The following NCALD variants were observed in gnomAD, a reference collection of about 807,000 sequenced individuals.
The protein encoded by NCALD is neurocalcin-delta.
In NCALD, 10 loss-of-function variants were observed where a neutral mutation model predicts 18.6. The ratio of observed to expected loss-of-function variants is 0.54; its 90% CI spans 0.33 to 0.91. NCALD has a LOEUF of 0.91. Ranked by LOEUF, NCALD falls within the 40% of genes least tolerant of loss-of-function variation. The pLI, the probability that NCALD is intolerant of heterozygous loss-of-function variation, is 0.03. For missense variants in NCALD, 184 were observed against 247.6 expected (o/e 0.74, Z 1.72); for synonymous variants, 88 against 87.4 (o/e 1.01, Z -0.04).
At chr8:102,014,416 C>A (rs1222904551) in intron 2 of NCALD, among the ~76,000 whole-genome samples, 5 of 152,054 alleles carry the variant, frequency 3.3e-5, no homozygotes, top group Non-Finnish European at 1.5e-5. Flanking sequence ...CTCTTAAAAC[C>A]ATCTCTTTGG....
chr8:101,690,107 T>A (rs545822971), intron 3 of NCALD, among the ~76,000 whole-genome samples: 61 of 146,638 alleles, frequency 4.2e-4, no homozygotes, highest in Non-Finnish European at 7.7e-4. Context: ...CAGCCTGGGC[T>A]CCCACTCCGA....
intron 4 of NCALD, among the ~76,000 whole-genome samples, chr8:101,847,866 C>T (rs982844647): frequency 1.3e-5 from 2 of 151,978 alleles, no homozygotes; most frequent in African/African-American, 2.4e-5. Context: ...AGGTATGAGG[C>T]TGAACTTAGG....
intron 2 of NCALD, among the ~76,000 whole-genome samples, chr8:102,003,080 T>G (rs1279079028): frequency 6.6e-6 from 1 of 151,770 alleles, no homozygotes; most frequent in Non-Finnish European, 1.5e-5. Context: ...AAAAAATCAA[T>G]GAATCCAGGA....
chr8:101,815,987 A>T (rs1813480280), intron 4 of NCALD, among the ~76,000 whole-genome samples: 1 of 152,176 alleles, frequency 6.6e-6, no homozygotes, highest in Non-Finnish European at 1.5e-5. Context: ...AAAACCACGA[A>T]AAGACAGGGA....
chr8:102,090,831 G>C (rs1824901115), intron 1 of NCALD, among the ~76,000 whole-genome samples: 1 of 152,164 alleles, frequency 6.6e-6, no homozygotes, highest in Non-Finnish European at 1.5e-5. Context: ...TCTTTTGTAA[G>C]AGGACACAAT....
chr8:101,898,861 G>A (rs112866507), intron 3 of NCALD, among the ~76,000 whole-genome samples: 1 of 151,960 alleles, frequency 6.6e-6, no homozygotes, highest in East Asian at 1.9e-4. Context: ...AGACATTCTA[G>A]TTGCCTTACT....
chr8:101,775,160 G>T (rs1811741170), intron 1 of NCALD, among the ~76,000 whole-genome samples: 1 of 152,124 alleles, frequency 6.6e-6, no homozygotes. Context: ...GATGCTATAT[G>T]GTTCATCACA....
chr8:101,712,587 C>CAAAAAGAAAAAAAA (rs1815852313), intron 2 of NCALD, among the ~76,000 whole-genome samples: 1 of 78,908 alleles, frequency 1.3e-5, no homozygotes, highest in African/African-American at 5.2e-5. Flanking sequence ...AAATGGAAAG[C>CAAAAAGAAAAAAAA]AAAAAAAAAA....
intron 1 of NCALD, among the ~76,000 whole-genome samples, chr8:102,063,199 C>T (rs79539630): frequency 0.015 from 2,353 of 152,238 alleles, 61 homozygotes; most frequent in African/African-American, 0.053. Flanking sequence ...AATTTGAATA[C>T]GGTGCCGACT....
At chr8:101,962,657 A>C (rs1286719977) in intron 2 of NCALD, among the ~76,000 whole-genome samples, 2 of 152,220 alleles carry the variant, frequency 1.3e-5, no homozygotes, top group Non-Finnish European at 2.9e-5. Context: ...CAGAATCTGC[A>C]TTTATAGGAT....
At chr8:101,765,421 C>T (rs1487431278) in intron 1 of NCALD, among the ~76,000 whole-genome samples, 3 of 152,082 alleles carry the variant, frequency 2.0e-5, no homozygotes, top group East Asian at 1.9e-4. Context: ...CTGGGGTCTC[C>T]GGCTATTGTC....
At chr8:101,968,733 T>TAA (rs200846417) in intron 2 of NCALD, among the ~76,000 whole-genome samples, 1 of 149,208 alleles carries the variant, frequency 6.7e-6, no homozygotes, top group East Asian at 1.9e-4. Context: ...CACTCTCCTG[T>TAA]AAAAAAAAAA....
At chr8:101,973,074 TG>T (rs1820299354) in intron 2 of NCALD, among the ~76,000 whole-genome samples, 1 of 152,056 alleles carries the variant, frequency 6.6e-6, no homozygotes, top group Non-Finnish European at 1.5e-5. Context: ...GTGATATGGA[TG>T]GGGCAGGAGG....
chr8:101,768,633 C>T (rs546657092), intron 1 of NCALD, among the ~76,000 whole-genome samples: 33 of 150,754 alleles, frequency 2.2e-4, no homozygotes, highest in Admixed American at 7.3e-4. Flanking sequence ...TGCTTGAACC[C>T]GGGAGGCGGA....
exon 3 of NCALD, chr8:101,915,845 A>G (rs1205478800): frequency 6.6e-6 from 1 of 152,212 alleles, no homozygotes; most frequent in Admixed American, 6.5e-5. Flanking sequence ...CCAGGAGACC[A>G]AAGTTGAGAT....
chr8:101,832,778 G>C (rs557283823), intron 4 of NCALD, among the ~76,000 whole-genome samples: 2 of 152,292 alleles, frequency 1.3e-5, no homozygotes, highest in East Asian at 3.9e-4. Flanking sequence ...GCTTTCTTGT[G>C]GAGTGGACGA....
In NCALD at chr8:101,962,287, C is replaced by T. The variant is rs534793170; in HGVS notation, c.-156-46429G>A. ...AGTCTGCCAAACTCCAGTTGCGAGTCTGTAATTCATCTTGTTACCTTGATA... is the reference window on the plus strand; with the variant it reads ...AGTCTGCCAAACTCCAGTTGCGAGTTTGTAATTCATCTTGTTACCTTGATA... On this transcript the variant is annotated intron_variant, in intron 2 of 6. Transcript: ENST00000311028. Among the ~76,000 whole-genome samples, 22 of 152,286 alleles carry T rather than the reference C, an allele frequency of 1.4e-4. 1 individual carries two copies. In the South Asian group the frequency reaches 4.6e-3, roughly 32 times the overall value.
chr8:102,099,627 T>TAA (rs11311408), intron 1 of NCALD, among the ~76,000 whole-genome samples: 1 of 140,884 alleles, frequency 7.1e-6, no homozygotes, highest in South Asian at 2.3e-4. Context: ...TTGTCATTAA[T>TAA]AAAAAAAAAA....
At chr8:101,779,900 T>A (rs946997559) in intron 1 of NCALD, 4 of 152,170 alleles carry the variant, frequency 2.6e-5, no homozygotes, top group Admixed American at 2.0e-4. Flanking sequence ...TAAATTAAAA[T>A]TAGTTAGAAA....
Sources: allele counts gnomAD v4.1 joint callset (sites outside exome capture counted in the v4.1 genomes callset), GRCh38; gene constraint gnomAD v4.1.1; transcripts MANE v1.5; gene names NCBI Gene and HGNC (gene_info 2026-07-23, HGNC 2026-07-21).